Variants in ARHGAP15 observed in about 807,000 individuals in gnomAD.
ARHGAP15 encodes rho GTPase-activating protein 15.
Under a neutral mutation model 63.7 loss-of-function variants are expected in ARHGAP15, and 51 were observed. That is an observed-to-expected ratio of 0.80 (90% confidence interval 0.64 to 1.01). ARHGAP15 has a LOEUF of 1.01. Among genes scored for constraint, ARHGAP15 ranks in the 50% least tolerant of loss-of-function variants. The probability of loss-of-function intolerance (pLI) is 0.00; values close to 1 mark genes in which losing one functional copy is unlikely to be tolerated. For missense variants in ARHGAP15, 560 were observed against 564.6 expected (o/e 0.99, Z 0.08); for synonymous variants, 191 against 193.8 (o/e 0.99, Z 0.12).
intron 6 of ARHGAP15, among the ~76,000 whole-genome samples, chr2:143,258,294 A>G (rs775887134): frequency 6.6e-6 from 1 of 152,116 alleles, no homozygotes; most frequent in Non-Finnish European, 1.5e-5. Flanking sequence ...GCCACAAGCC[A>G]CTGAGCAGGA....
At chr2:143,701,430 C>A (rs546925449) in intron 12 of ARHGAP15, among the ~76,000 whole-genome samples, 2 of 152,242 alleles carry the variant, frequency 1.3e-5, no homozygotes, top group African/African-American at 4.8e-5. Context: ...GGCTTATTTT[C>A]TTATGTCAAA....
At chr2:143,155,111 C>T (rs1690025899) in intron 1 of ARHGAP15, among the ~76,000 whole-genome samples, 1 of 151,744 alleles carries the variant, frequency 6.6e-6, no homozygotes. Context: ...GGTAATAGAC[C>T]AGTGAAGTTG....
chr2:143,222,522 T>G (rs547609697), intron 4 of ARHGAP15, among the ~76,000 whole-genome samples: 1 of 152,352 alleles, frequency 6.6e-6, no homozygotes, highest in South Asian at 2.1e-4. Context: ...AACAGATTCT[T>G]ATAACGGTAA....
chr2:143,411,202 C>G (rs1688429139), intron 6 of ARHGAP15, among the ~76,000 whole-genome samples: 1 of 148,740 alleles, frequency 6.7e-6, no homozygotes, highest in Non-Finnish European at 1.5e-5. Flanking sequence ...GAGACTATCT[C>G]AAAAAAACAA....
In ARHGAP15 at chr2:143,407,987, G is replaced by GTATGTATATA. The variant is rs1553475720; in HGVS notation, c.475-27611_475-27610insGTATATATAT. The stretch of plus-strand genomic sequence containing the variant: ...TTTTTAAAGTCTGACTTCTGTGTGT[G>GTATGTATATA]TATATATATATATATATATATATAT... On this transcript the variant is annotated intron_variant, in intron 6 of 13. Transcript: ENST00000295095. Among the ~76,000 whole-genome samples, 67 of 77,392 alleles carry GTATGTATATA rather than the reference G, an allele frequency of 8.7e-4. 1 individual carries two copies. Among genetic ancestry groups the GTATGTATATA allele is most frequent in the South Asian group, 1.6e-3 (4 of 2,558 alleles). 50.8% of individuals were successfully genotyped at this position (77,392 alleles called of 152,430 possible).
chr2:143,287,177 T>C (rs1682146774), intron 6 of ARHGAP15, among the ~76,000 whole-genome samples: 1 of 152,186 alleles, frequency 6.6e-6, no homozygotes, highest in Non-Finnish European at 1.5e-5. Context: ...TTTTGTCTAA[T>C]GCTGATATAA....
At chr2:143,529,729 G>A (rs1164277734) in intron 10 of ARHGAP15, among the ~76,000 whole-genome samples, 1 of 151,914 alleles carries the variant, frequency 6.6e-6, no homozygotes, top group Non-Finnish European at 1.5e-5. Flanking sequence ...ATCTTCTTGT[G>A]AATATCACAA....
intron 13 of ARHGAP15, chr2:143,741,224 A>AT (rs1685950208): frequency 1.3e-5 from 2 of 152,222 alleles, no homozygotes; most frequent in Admixed American, 1.3e-4. Context: ...TTGTTGAAAT[A>AT]TTTCCAAAGA....
chr2:143,609,887 G>A (rs1012820215), intron 11 of ARHGAP15, among the ~76,000 whole-genome samples: 37 of 152,082 alleles, frequency 2.4e-4, no homozygotes, highest in African/African-American at 7.5e-4. Flanking sequence ...ATAAATGCTC[G>A]TGCTCAAAAG....
intron 9 of ARHGAP15, among the ~76,000 whole-genome samples, chr2:143,489,096 A>G (rs533280382): frequency 1.3e-5 from 2 of 152,202 alleles, no homozygotes; most frequent in Non-Finnish European, 2.9e-5. Context: ...TAAGCAACCA[A>G]CAATCCTAAC....
chr2:143,563,895 C>T (rs776878398), intron 11 of ARHGAP15: 3 of 152,306 alleles, frequency 2.0e-5, no homozygotes, highest in Non-Finnish European at 4.4e-5. Flanking sequence ...TTACTGCCAA[C>T]TTAGCTACCT....
At chr2:143,242,042 A>T (rs1693882360) in intron 5 of ARHGAP15, among the ~76,000 whole-genome samples, 3 of 152,196 alleles carry the variant, frequency 2.0e-5, no homozygotes, top group Admixed American at 1.3e-4. Flanking sequence ...CACTTTTCCC[A>T]TTTCCTGCAC....
At chr2:143,493,663 T>C (rs1016684675) in intron 9 of ARHGAP15, among the ~76,000 whole-genome samples, 5 of 152,318 alleles carry the variant, frequency 3.3e-5, no homozygotes, top group Non-Finnish European at 5.9e-5. Flanking sequence ...CTGAGTATCT[T>C]CTTCTAAAGT....
At chr2:143,479,403 T>C (rs1314591768) in intron 8 of ARHGAP15, among the ~76,000 whole-genome samples, 2 of 152,048 alleles carry the variant, frequency 1.3e-5, no homozygotes, top group African/African-American at 4.8e-5. Flanking sequence ...TCTCATTTGA[T>C]TTGGCTGTGG....
chr2:143,147,657 A>G (rs954980223), intron 1 of ARHGAP15, among the ~76,000 whole-genome samples: 1 of 151,950 alleles, frequency 6.6e-6, no homozygotes, highest in Non-Finnish European at 1.5e-5. Context: ...ATTGCACCCT[A>G]GGAACCTTTT....
chr2:143,289,282 C>G (rs1255497638), intron 6 of ARHGAP15, among the ~76,000 whole-genome samples: 4 of 152,180 alleles, frequency 2.6e-5, no homozygotes, highest in African/African-American at 7.2e-5. Context: ...TGGGGACCAA[C>G]TATACCAGGT....
At chr2:143,499,665 G>GTGTCTATT (rs1266717290) in intron 9 of ARHGAP15, among the ~76,000 whole-genome samples, 1 of 152,066 alleles carries the variant, frequency 6.6e-6, no homozygotes, top group African/African-American at 2.4e-5. Context: ...GGTGGTAATT[G>GTGTCTATT]TGTCTATTTC....
At chr2:143,218,048 G>A (rs1324463385) in intron 4 of ARHGAP15, among the ~76,000 whole-genome samples, 3 of 152,140 alleles carry the variant, frequency 2.0e-5, no homozygotes, top group African/African-American at 7.2e-5. Flanking sequence ...AGGAAGCAGA[G>A]AAGAACAGGT....
intron 13 of ARHGAP15, among the ~76,000 whole-genome samples, chr2:143,762,092 T>A (rs1686781577): frequency 6.6e-6 from 1 of 152,182 alleles, no homozygotes; most frequent in Non-Finnish European, 1.5e-5. Context: ...GGGGCCTTTT[T>A]TTCTGTTAGT....
Sources: allele counts gnomAD v4.1 joint callset (sites outside exome capture counted in the v4.1 genomes callset), GRCh38; gene constraint gnomAD v4.1.1; transcripts MANE v1.5; gene names NCBI Gene and HGNC (gene_info 2026-07-23, HGNC 2026-07-21).